The following ACSS3 variants were observed in gnomAD, a reference collection of about 807,000 sequenced individuals.
The protein encoded by ACSS3 is acyl-CoA synthetase short chain family member 3.
ACSS3 carries 64 observed loss-of-function variants against 84.2 expected under a neutral mutation model. The observed-to-expected ratio is 0.76, with a 90% CI of 0.62 to 0.94. ACSS3 has a LOEUF of 0.94. Among genes scored for constraint, ACSS3 ranks in the 40% least tolerant of loss-of-function variants. The probability of loss-of-function intolerance (pLI) is 0.00; values close to 1 mark genes in which losing one functional copy is unlikely to be tolerated. For missense variants in ACSS3, 815 were observed against 867.6 expected, an observed-to-expected ratio of 0.94 and a Z score of 0.76; for synonymous variants, 317 against 310.1, an observed-to-expected ratio of 1.02 and a Z score of -0.23.
Position 81,234,951 on chromosome 12 carries a change from G to C in ACSS3, c.1719+1480G>C, listed in dbSNP as rs919024198. 2.0e-5 allele frequency among the ~76,000 whole-genome samples: 3 copies of C among 150,884 alleles called. No individual in the cohort carries two copies. In the South Asian group the frequency reaches 6.2e-4, roughly 31 times the overall value. On this transcript the variant is annotated intron_variant, in intron 13 of 15. Coordinates refer to ENST00000548058, the MANE Select transcript of ACSS3 (RefSeq NM_024560.4). ...TTTTCTTTTACGGATTATGATTTTG[G>C]TATTGTATATAAAAATGCTTTCCTA...
intron 13 of ACSS3, among the ~76,000 whole-genome samples, chr12:81,233,817 A>G (rs2033544008): frequency 6.6e-6 from 1 of 151,662 alleles, no homozygotes; most frequent in Non-Finnish European, 1.5e-5. Flanking sequence ...TTTAAGTGGT[A>G]TGGGATTAAA....
chr12:81,139,925 G>A (rs1026159691), intron 4 of ACSS3, among the ~76,000 whole-genome samples: 1 of 151,928 alleles, frequency 6.6e-6, no homozygotes, highest in East Asian at 1.9e-4. Flanking sequence ...GTGAGCCACC[G>A]CGCCCGGCCA....
At chr12:81,092,884 G>C (rs1028364072) in intron 1 of ACSS3, among the ~76,000 whole-genome samples, 2 of 152,052 alleles carry the variant, frequency 1.3e-5, no homozygotes, top group Non-Finnish European at 2.9e-5. Flanking sequence ...TGAGTATAAG[G>C]CTAGGAAAAA....
chr12:81,185,437 A>G (rs77388089), intron 8 of ACSS3, among the ~76,000 whole-genome samples: 27,215 of 151,748 alleles, frequency 0.18, 2,765 homozygotes, highest in East Asian at 0.4. Flanking sequence ...CCTATATGCA[A>G]AAACCTCCAA....
chr12:81,241,908 G>T lies in ACSS3; in HGVS notation c.1719+8437G>T, dbSNP rs557176398. On this transcript the variant is annotated intron_variant, in intron 13 of 15. Coordinates refer to ENST00000548058, the MANE Select transcript of ACSS3 (RefSeq NM_024560.4). ...TTGGTGTTTTAGACATGAAGTTCTT[G>T]CCCGTGCCTATGTCCTGAATGGTAA... 1.4e-3 allele frequency among the ~76,000 whole-genome samples: 214 copies of T among 152,198 alleles called. 1 individual carries two copies. The highest frequency in any genetic ancestry group is 4.7e-3 in the African/African-American group (196 of 41,530).
At chr12:81,112,633 A>T (rs568363767) in intron 2 of ACSS3, among the ~76,000 whole-genome samples, 2 of 152,290 alleles carry the variant, frequency 1.3e-5, no homozygotes, top group African/African-American at 4.8e-5. Flanking sequence ...ACTGTTAGGA[A>T]AGAGAGAAGC....
intron 8 of ACSS3, among the ~76,000 whole-genome samples, chr12:81,178,379 G>A (rs2030655790): frequency 6.7e-6 from 1 of 149,324 alleles, no homozygotes; most frequent in African/African-American, 2.5e-5. Context: ...ACGAGTTAAT[G>A]GGTCCAGCAC....
chr12:81,223,960 A>G (rs1921066), intron 11 of ACSS3, among the ~76,000 whole-genome samples: 27,172 of 151,918 alleles, frequency 0.18, 2,628 homozygotes, highest in Middle Eastern at 0.22. Context: ...GTCCTGCCCT[A>G]GTTATTTAAG....
intron 11 of ACSS3, among the ~76,000 whole-genome samples, chr12:81,224,105 T>C (rs935833079): frequency 6.6e-6 from 1 of 151,910 alleles, no homozygotes; most frequent in Non-Finnish European, 1.5e-5. Context: ...ATTGGATGAG[T>C]TGTACCAAAA....
At position 81,253,258 on chromosome 12, in the gene ACSS3, A is replaced by T. The variant is rs371107424; in HGVS notation, c.1720-49A>T. ...ATCTATATCTATATGTTGAATATAC[A>T]TATATGGTAAATAAATGTATTCTAA... On this transcript the variant is annotated intron_variant, in intron 13 of 15. Coordinates refer to ENST00000548058, the MANE Select transcript of ACSS3 (RefSeq NM_024560.4). 5.9e-6 allele frequency: 9 copies of T among 1,523,580 alleles called. No homozygotes were observed. The African/African-American group carries it at 9.6e-5, about 16-fold the overall frequency. 94.4% of individuals were successfully genotyped at this position (1,523,580 alleles called of 1,614,324 possible).
At chr12:81,227,128 A>T (rs2033299728) in intron 11 of ACSS3, among the ~76,000 whole-genome samples, 1 of 151,872 alleles carries the variant, frequency 6.6e-6, no homozygotes, top group South Asian at 2.1e-4. Context: ...GAAAAGTTGT[A>T]GTTTGAGTCT....
intron 2 of ACSS3, 75 bp downstream of exon 2, chr12:81,109,779 A>G (rs1883418230): frequency 4.1e-6 from 5 of 1,231,304 alleles, no homozygotes; most frequent in African/African-American, 3.1e-5. Context: ...TTCTCATTGT[A>G]GAGCCTTCAA....
In ACSS3 at chr12:81,078,299, G is replaced by A. The variant is rs1880747884; in HGVS notation, c.179G>A (p.Ser60Asn). Residue 60 changes from serine (S) to asparagine (N), a missense_variant, in exon 1 of 16, where the codon AGC (serine) becomes AAC (asparagine). Coordinates refer to ENST00000548058, the MANE Select transcript of ACSS3 (RefSeq NM_024560.4). Reference protein sequence around the residue: ...GCRALSSGSGSEYKTHFAASV... With the variant: ...GCRALSSGSGNEYKTHFAASV... ...AGGGCACTGTCCTCCGGCAGTGGCA[G>A]CGAGTACAAGACCCACTTCGCAGCC... 3.7e-6 allele frequency: 6 copies of A among 1,612,172 alleles called. No individual in the cohort carries two copies. Among genetic ancestry groups the A allele is most frequent in the Non-Finnish European group, 4.2e-6 (5 of 1,179,954 alleles).
At position 81,247,611 on chromosome 12, in the gene ACSS3, T is replaced by C. The variant is rs540206815; in HGVS notation, c.1720-5696T>C. ...TCTATATATGAATTAAATGACTAAG[T>C]TTTTATTAAGTATTTATATTTGATA... On this transcript the variant is annotated intron_variant, in intron 13 of 15. Coordinates refer to ENST00000548058, the MANE Select transcript of ACSS3 (RefSeq NM_024560.4). Among the ~76,000 whole-genome samples, 16 of 152,132 alleles carry C rather than the reference T, an allele frequency of 1.1e-4. No homozygotes were observed. In the South Asian group the frequency reaches 3.3e-3, roughly 32 times the overall value.
chr12:81,087,525 T>C (rs1308007484), intron 1 of ACSS3, among the ~76,000 whole-genome samples: 1 of 150,340 alleles, frequency 6.7e-6, no homozygotes, highest in Admixed American at 6.6e-5. Context: ...GTAGAAAAAT[T>C]TAGTAAGACT....
intron 5 of ACSS3, among the ~76,000 whole-genome samples, chr12:81,145,195 C>A (rs1593124456): frequency 6.6e-6 from 1 of 151,168 alleles, no homozygotes; most frequent in Non-Finnish European, 1.5e-5. Flanking sequence ...GGATTACAGG[C>A]ATGAGCCACT....
chr12:81,117,341 C>T (rs1173879189), intron 2 of ACSS3, among the ~76,000 whole-genome samples: 2 of 151,998 alleles, frequency 1.3e-5, no homozygotes, highest in East Asian at 3.9e-4. Flanking sequence ...AAAGATAATA[C>T]AATATAAATT....
At chr12:81,159,056 G>A (rs1323453089) in intron 7 of ACSS3, among the ~76,000 whole-genome samples, 1 of 152,120 alleles carries the variant, frequency 6.6e-6, no homozygotes, top group Non-Finnish European at 1.5e-5. Flanking sequence ...TATACGTAAA[G>A]ATTTTTTCTA....
intron 9 of ACSS3, among the ~76,000 whole-genome samples, chr12:81,203,475 A>AT (rs2032200672): frequency 1.3e-5 from 2 of 152,184 alleles, no homozygotes; most frequent in Non-Finnish European, 2.9e-5. Context: ...TGCAACTTGT[A>AT]TTAGTACCAA....
Sources: gnomAD v4.1 joint callset for allele counts (sites outside exome capture counted in the v4.1 genomes callset) on GRCh38, gnomAD v4.1.1 for gene constraint, MANE v1.5 for transcripts, NCBI Gene and HGNC (gene_info 2026-07-23, HGNC 2026-07-21) for gene names.